Variants in RGS6 observed in about 807,000 individuals in gnomAD.
The protein encoded by RGS6 is regulator of G protein signaling 6, also known as regulator of G-protein signaling 6.
A neutral mutation model predicts 78.5 loss-of-function variants in RGS6; 30 were observed. That is an observed-to-expected ratio of 0.38 (90% confidence interval 0.29 to 0.52). RGS6 has a LOEUF of 0.52. RGS6 is among the 20% of genes least tolerant of loss of function. The probability of loss-of-function intolerance (pLI) is 0.85; values close to 1 mark genes in which losing one functional copy is unlikely to be tolerated. For missense variants in RGS6, 495 were observed against 609.7 expected, an observed-to-expected ratio of 0.81 and a Z score of 1.98; for synonymous variants, 206 against 206.0, an observed-to-expected ratio of 1.00 and a Z score of 0.00.
At chr14:72,508,991 C>T (rs944001901) in intron 13 of RGS6, among the ~76,000 whole-genome samples, 1 of 152,124 alleles carries the variant, frequency 6.6e-6, no homozygotes, top group African/African-American at 2.4e-5. Context: ...TCGCCCAACA[C>T]CAGAAGAATT....
chr14:72,569,985 C>G (rs549322443), downstream of RGS6, among the ~76,000 whole-genome samples: 12 of 152,214 alleles, frequency 7.9e-5, no homozygotes, highest in African/African-American at 2.9e-4. Flanking sequence ...TCTGTGAGCC[C>G]GTTTGAGAAA....
chr14:71,905,355 T>G, the RGS6 span, among the ~76,000 whole-genome samples: 1 of 152,206 alleles, frequency 6.6e-6, no homozygotes. Context: ...GTGCATTGCA[T>G]GTTGTTTTGT....
In RGS6 at chr14:72,202,726, AGGGGAGGGTCCT is replaced by A. The variant is rs201894835; in HGVS notation, c.85-149360_85-149349del. Among the ~76,000 whole-genome samples the A allele has an allele frequency of 4.6e-5, 7 of 151,974 alleles. No individual in the cohort carries two copies. The East Asian group carries it at 1.2e-3, about 25-fold the overall frequency. On this transcript the variant is annotated intron_variant, in intron 2 of 17. Transcript: ENST00000553525. ...AAGGACTGGAGATGCAAACCCTTGG[AGGGGAGGGTCCT>A]GGGGAGGGCAGGCACGTGTTAAAAA...
rs34084675 is a variant in RGS6, at chr14:72,470,879, C to CA, written c.536+814dup. On this transcript the variant is annotated intron_variant, in intron 8 of 17. Coordinates refer to ENST00000553525, the MANE Select transcript of RGS6 (RefSeq NM_001204424.2). ...GGGCAACAAGAGCAAAACTCCCTCT[C>CA]AAAAAAAAAAAAAAAAAACAAGATT... Among the ~76,000 whole-genome samples the CA allele has an allele frequency of 9.9e-3, 1,117 of 112,474 alleles. 12 individuals carry two copies. The highest frequency in any genetic ancestry group is 0.024 in the African/African-American group (692 of 28,558). 73.8% of individuals were successfully genotyped at this position (112,474 alleles called of 152,430 possible).
the RGS6 span, among the ~76,000 whole-genome samples, chr14:71,926,044 G>A: frequency 6.6e-6 from 1 of 152,050 alleles, no homozygotes; most frequent in Non-Finnish European, 1.5e-5. Flanking sequence ...GATATCTCAC[G>A]TTCATGATTT....
At chr14:71,880,649 G>A in the RGS6 span, among the ~76,000 whole-genome samples, 3 of 152,252 alleles carry the variant, frequency 2.0e-5, no homozygotes, top group Non-Finnish European at 4.4e-5. Context: ...GTGCACAGAA[G>A]TCAAGAATTG....
the RGS6 span, among the ~76,000 whole-genome samples, chr14:71,917,168 AC>A: frequency 2.0e-5 from 3 of 152,228 alleles, no homozygotes; most frequent in East Asian, 5.8e-4. Context: ...TATTAGGACC[AC>A]CTTTAGTATT....
rs564152126 is a variant in RGS6 at position 72,125,753 on chromosome 14, C to A, written c.84+160878C>A. Among the ~76,000 whole-genome samples, 4 of 152,074 alleles carry A rather than the reference C, an allele frequency of 2.6e-5. 1 individual carries two copies. The highest frequency in any genetic ancestry group is 9.7e-5 in the African/African-American group (4 of 41,410). On this transcript the variant is annotated intron_variant, in intron 2 of 17. Coordinates refer to ENST00000553525, the MANE Select transcript of RGS6 (RefSeq NM_001204424.2). The stretch of plus-strand genomic sequence containing the variant: ...CATGGCTCTTCATAGGATGTATGTT[C>A]ATGAAATGGCATTGTTAGCATGATC...
chr14:72,274,027 A>G (rs565275983), intron 2 of RGS6, among the ~76,000 whole-genome samples: 15 of 152,312 alleles, frequency 9.8e-5, no homozygotes, highest in Non-Finnish European at 7.4e-5. Context: ...ACTAGGAAAC[A>G]GTGCTAATTC....
rs571198138 is a variant in RGS6, at chr14:72,205,824, GC to G, written c.85-146268del. Among the ~76,000 whole-genome samples the G allele has an allele frequency of 2.2e-4, 33 of 152,250 alleles. No homozygotes were observed. In the South Asian group the frequency reaches 6.6e-3, roughly 31 times the overall value. ...CTGCAGACCGAAATGCTGTTTATTT[GC>G]CCACTGACCAAAATTACATTGATAA... On this transcript the variant is annotated intron_variant, in intron 2 of 17. Transcript: ENST00000553525.
At chr14:72,046,469 GT>G (rs1417764249) in intron 2 of RGS6, among the ~76,000 whole-genome samples, 2 of 152,172 alleles carry the variant, frequency 1.3e-5, no homozygotes, top group East Asian at 3.9e-4. Flanking sequence ...TTTTCGTTTT[GT>G]TTTTTAAGAG....
At chr14:72,398,578 T>C (rs1178145944) in intron 3 of RGS6, among the ~76,000 whole-genome samples, 2 of 152,214 alleles carry the variant, frequency 1.3e-5, no homozygotes, top group African/African-American at 4.8e-5. Flanking sequence ...CTTAGTCATT[T>C]CTTGCCTTCT....
At chr14:71,961,955 C>T (rs962458185) in intron 1 of RGS6, among the ~76,000 whole-genome samples, 3 of 152,036 alleles carry the variant, frequency 2.0e-5, no homozygotes, top group South Asian at 2.1e-4. Flanking sequence ...TTCACAAGCC[C>T]CAGCTTTAAT....
chr14:72,434,906 A>G (rs1157167371), intron 3 of RGS6, among the ~76,000 whole-genome samples: 1 of 152,230 alleles, frequency 6.6e-6, no homozygotes, highest in East Asian at 1.9e-4. Flanking sequence ...ACATTTAACT[A>G]GGACAAAAAG....
intron 2 of RGS6, among the ~76,000 whole-genome samples, chr14:72,216,960 C>T (rs2153782852): frequency 6.6e-6 from 1 of 152,050 alleles, no homozygotes; most frequent in African/African-American, 2.4e-5. Flanking sequence ...TAAAGATAAC[C>T]AAGTTCTTCC....
chr14:72,102,872 G>C (rs79204264), intron 2 of RGS6, among the ~76,000 whole-genome samples: 2 of 152,040 alleles, frequency 1.3e-5, no homozygotes, highest in Non-Finnish European at 2.9e-5. Flanking sequence ...CTACTCGTTC[G>C]TGAAATCACA....
At chr14:72,436,186 A>G (rs1186263227) in intron 3 of RGS6, among the ~76,000 whole-genome samples, 1 of 152,186 alleles carries the variant, frequency 6.6e-6, no homozygotes, top group African/African-American at 2.4e-5. Flanking sequence ...ACATTAAGAT[A>G]TAAATTCCTG....
chr14:72,382,023 A>AT (rs2086270590), intron 3 of RGS6, among the ~76,000 whole-genome samples: 1 of 151,618 alleles, frequency 6.6e-6, no homozygotes, highest in African/African-American at 2.4e-5. Flanking sequence ...ATGCAGAAGA[A>AT]TGGCTTCTTA....
chr14:72,200,334 G>A (rs548138470), intron 2 of RGS6, among the ~76,000 whole-genome samples: 18 of 152,124 alleles, frequency 1.2e-4, no homozygotes, highest in African/African-American at 3.9e-4. Flanking sequence ...TTCGGAACCC[G>A]CTTCCTTCAT....
Sources: allele counts gnomAD v4.1 joint callset (sites outside exome capture counted in the v4.1 genomes callset), GRCh38; gene constraint gnomAD v4.1.1; transcripts MANE v1.5; gene names NCBI Gene and HGNC (gene_info 2026-07-23, HGNC 2026-07-21).